Variants in TSPAN4 observed in about 807,000 individuals in gnomAD.
The protein encoded by TSPAN4 is tetraspanin-4.
In TSPAN4, 38 loss-of-function variants were observed where a neutral mutation model predicts 31.5. That is an observed-to-expected ratio of 1.21 (90% CI 0.93 to 1.58). TSPAN4 has a LOEUF of 1.58. Ranked by LOEUF, TSPAN4 falls within the 40% of genes most tolerant of loss-of-function variation. The pLI is 0.00. For synonymous variants in TSPAN4, 186 were observed against 144.6 expected (o/e 1.29, Z -2.06); for missense variants, 330 against 317.3 (o/e 1.04, Z -0.30).
rs926166320 is a variant in TSPAN4 at position 848,104 on chromosome 11, G to A, written c.-18+804G>A. ...TGAGCTCCCTGGAGGCGCTGCACAC[G>A]GCTGAGTGTCTGCCCTCAGGTTGCA... On this transcript the variant is annotated intron_variant, in intron 2 of 8. Transcript: ENST00000397397. The surrounding 1 kb of genome is among the most constrained non-coding windows in gnomAD (Gnocchi z 5.7). Among the ~76,000 whole-genome samples, 1 of 152,222 alleles carries A rather than the reference G, an allele frequency of 6.6e-6. No individual in the cohort carries two copies. Among genetic ancestry groups the A allele is most frequent in the Non-Finnish European group, 1.5e-5 (1 of 68,028 alleles).
chr11:862,501 TGC>T (rs1196565481), intron 3 of TSPAN4, 47 bp from the exon 4 acceptor site: 9 of 1,511,860 alleles, frequency 6.0e-6, no homozygotes, highest in Non-Finnish European at 7.1e-6. Flanking sequence ...GTCCAGAGCT[TGC>T]ATTGGGGCCT....
chr11:860,134 C>T (rs546450202), intron 3 of TSPAN4, among the ~76,000 whole-genome samples: 20 of 152,232 alleles, frequency 1.3e-4, no homozygotes, highest in Non-Finnish European at 2.5e-4. Context: ...GAACTTTAAG[C>T]GGAGATGCTA....
At chr11:853,102 G>A (rs1253477871) in intron 3 of TSPAN4, among the ~76,000 whole-genome samples, 2 of 151,896 alleles carry the variant, frequency 1.3e-5, no homozygotes, top group Non-Finnish European at 2.9e-5. Context: ...TACAGGTGCG[G>A]CCAGGGCACT....
chr11:844,708 G>GT (rs1176996099), intron 1 of TSPAN4: 2 of 148,038 alleles, frequency 1.4e-5, no homozygotes, highest in African/African-American at 4.9e-5. Context: ...CTGGCTTCTG[G>GT]GGGGGGGGGT....
rs143123731 is a variant in TSPAN4, at chr11:865,899, A to T, written c.565-19A>T. 3.8e-5 allele frequency: 61 copies of T among 1,612,930 alleles called. No individual in the cohort carries two copies. Among genetic ancestry groups the T allele is most frequent in the Middle Eastern group, 1.7e-4 (1 of 5,980 alleles). On this transcript the variant is annotated intron_variant, in intron 7 of 8. Coordinates refer to ENST00000397397, the MANE Select transcript of TSPAN4 (RefSeq NM_003271.5). Reference sequence around the variant, plus strand: ...ACCAGCAGGCCCTGCCGTGACACGCATGACATCCCTCCCTGCAGCCGTGCT... The same window carrying T: ...ACCAGCAGGCCCTGCCGTGACACGCTTGACATCCCTCCCTGCAGCCGTGCT...
chr11:850,290 C>T lies in TSPAN4; in HGVS notation c.-15C>T, dbSNP rs377527357. ...CCTCTCCTTCATCTTCCTCCTAGAACTGAAGCGCTGCGGCATGGCGCGCGC... is the reference window on the plus strand; with the variant it reads ...CCTCTCCTTCATCTTCCTCCTAGAATTGAAGCGCTGCGGCATGGCGCGCGC... On this transcript the variant is annotated splice_region_variant and 5_prime_UTR_variant, in exon 3 of 9. Coordinates refer to ENST00000397397, the MANE Select transcript of TSPAN4 (RefSeq NM_003271.5). 58 of 1,606,090 alleles carry T rather than the reference C, an allele frequency of 3.6e-5. No homozygotes were observed. Among genetic ancestry groups the T allele is most frequent in the South Asian group, 1.1e-5 (1 of 90,476 alleles).
chr11:845,565 G>C (rs1054951006), intron 1 of TSPAN4, among the ~76,000 whole-genome samples: 5 of 152,158 alleles, frequency 3.3e-5, no homozygotes, highest in African/African-American at 1.2e-4. Context: ...CTGTTCTATA[G>C]GGGTCTAGGT....
intron 2 of TSPAN4, chr11:849,834 G>C (rs1230217826): frequency 6.8e-6 from 1 of 147,190 alleles, no homozygotes; most frequent in African/African-American, 2.5e-5. Context: ...GGGGCGCGGG[G>C]GCCGCAGCGC....
intron 3 of TSPAN4, among the ~76,000 whole-genome samples, chr11:861,211 CAGTA>C (rs1443476835): frequency 6.6e-6 from 1 of 152,210 alleles, no homozygotes; most frequent in Non-Finnish European, 1.5e-5. Context: ...TTAGGAAACA[CAGTA>C]AGAGCTCTGG....
At chr11:845,836 T>C (rs1213254752) in intron 1 of TSPAN4, among the ~76,000 whole-genome samples, 1 of 151,628 alleles carries the variant, frequency 6.6e-6, no homozygotes, top group Non-Finnish European at 1.5e-5. Flanking sequence ...CTGCTGGGGG[T>C]ATCAGAGTGG....
At chr11:862,925 GC>G in intron 4 of TSPAN4, 184 bp downstream of exon 4, 1 of 632,170 alleles carries the variant, frequency 1.6e-6, no homozygotes, top group Non-Finnish European at 2.7e-6. Context: ...CCACACTGGG[GC>G]TGGGGGGTGA....
intron 1 of TSPAN4, among the ~76,000 whole-genome samples, chr11:846,138 C>A (rs767775681): frequency 1.3e-5 from 2 of 152,190 alleles, no homozygotes; most frequent in Non-Finnish European, 2.9e-5. Flanking sequence ...TGCTGTCTGT[C>A]CTGAGCTGCC....
chr11:846,697 C>G (rs988596250), intron 1 of TSPAN4, among the ~76,000 whole-genome samples: 1 of 151,828 alleles, frequency 6.6e-6, no homozygotes, highest in African/African-American at 2.4e-5. Flanking sequence ...GCGTGAGGCC[C>G]CTTCCTGAGC....
chr11:849,061 A>G, intron 2 of TSPAN4: 1 of 586,142 alleles, frequency 1.7e-6, no homozygotes, highest in Non-Finnish European at 3.1e-6. Flanking sequence ...CGGGAACAGC[A>G]GAGCATCAAG....
chr11:862,769 C>T (rs375972377), intron 4 of TSPAN4, 28 bp downstream of exon 4: 43 of 1,584,712 alleles, frequency 2.7e-5, no homozygotes, highest in Non-Finnish European at 3.2e-5. Context: ...AGCGATGCTC[C>T]GGGTGGGACC....
At chr11:850,721 C>T (rs866172078) in intron 3 of TSPAN4, among the ~76,000 whole-genome samples, 1 of 152,210 alleles carries the variant, frequency 6.6e-6, no homozygotes, top group African/African-American at 2.4e-5. Flanking sequence ...GGGTTCGAGT[C>T]CGGGTCGTGG....
At chr11:866,444 G>T in intron 8 of TSPAN4, 118 bp from the exon 9 acceptor site, 1 of 905,068 alleles carries the variant, frequency 1.1e-6, no homozygotes, top group Non-Finnish European at 1.6e-6. Context: ...CTGCCACTGT[G>T]TCGCCCACCC....
chr11:864,593 G>A (rs1848660928), intron 5 of TSPAN4, 82 bp downstream of exon 5: 1 of 1,552,482 alleles, frequency 6.4e-7, no homozygotes, highest in Non-Finnish European at 8.8e-7. Context: ...GGCCCGGTGT[G>A]GACAGAGTGG....
Position 865,272 on chromosome 11 carries a change from GT to G in TSPAN4, c.331-240del, listed in dbSNP as rs147103841. On this transcript the variant is annotated intron_variant, in intron 5 of 8. Transcript: ENST00000397397. ...GGAGGCACCTGTGTCCCTGTCCTCT[GT>G]CCCCCCAGGACCCATGGTCCTCCCC... is the stretch of plus-strand genomic sequence containing the variant. The G allele has an allele frequency of 7.6e-4, 420 of 554,994 alleles. 1 individual carries two copies. The highest frequency in any genetic ancestry group is 7.4e-3 in the African/African-American group (391 of 52,942). The allele number at this position is 554,994 out of a possible 1,614,324, so 34.4% of individuals were successfully genotyped here. A position where few individuals can be genotyped will look rare whatever the true frequency, so the allele number is the denominator to read the frequency against.
Sources: allele counts gnomAD v4.1 joint callset (sites outside exome capture counted in the v4.1 genomes callset), GRCh38; gene constraint gnomAD v4.1.1; non-coding constraint Gnocchi (gnomAD v3.1); transcripts MANE v1.5; gene names NCBI Gene and HGNC (gene_info 2026-07-23, HGNC 2026-07-21).